Variants in ATF6 observed in about 807,000 individuals in gnomAD.
ATF6 encodes activating transcription factor 6, also known as cyclic AMP-dependent transcription factor ATF-6 alpha.
A neutral mutation model predicts 83.6 loss-of-function variants in ATF6; 53 were observed. That is an observed-to-expected ratio of 0.63 (90% CI 0.51 to 0.80). The LOEUF (loss-of-function observed/expected upper bound fraction) is 0.80. ATF6 is among the 30% of genes least tolerant of loss of function. ATF6 has a pLI of 0.00. For missense variants in ATF6, 744 were observed against 797.9 expected, an observed-to-expected ratio of 0.93 and a Z score of 0.81; for synonymous variants, 288 against 285.8, an observed-to-expected ratio of 1.01 and a Z score of -0.08.
At chr1:161,795,846 G>A (rs912967649) in intron 6 of ATF6, among the ~76,000 whole-genome samples, 5 of 152,192 alleles carry the variant, frequency 3.3e-5, no homozygotes, top group African/African-American at 1.2e-4. Context: ...CACCATGAGA[G>A]TTTTTTGTTC....
intron 14 of ATF6, among the ~76,000 whole-genome samples, chr1:161,887,889 A>G (rs1412976807): frequency 1.3e-5 from 2 of 152,088 alleles, no homozygotes; most frequent in Non-Finnish European, 2.9e-5. Flanking sequence ...ACAAGACTAT[A>G]CTCTACACAG....
chr1:161,917,879 G>T (rs1688132553), intron 15 of ATF6, among the ~76,000 whole-genome samples: 1 of 152,122 alleles, frequency 6.6e-6, no homozygotes, highest in Non-Finnish European at 1.5e-5. Context: ...TTGGATTAGG[G>T]ATACTCAACT....
At chr1:161,903,357 A>G (rs1487911378) in intron 14 of ATF6, among the ~76,000 whole-genome samples, 1 of 152,194 alleles carries the variant, frequency 6.6e-6, no homozygotes, top group Non-Finnish European at 1.5e-5. Context: ...CACAAGTGAG[A>G]TCATGATGGA....
rs142977006 is a variant in ATF6, at chr1:161,822,719, A to G, written c.1187+1558A>G. Among the ~76,000 whole-genome samples, 131 of 152,304 alleles carry G rather than the reference A, an allele frequency of 8.6e-4. 4 individuals are homozygous for G. The East Asian group carries it at 0.017, about 19-fold the overall frequency. Reference sequence around the variant, plus strand: ...ATGTTAGGTGCCATGAAGGAAAGGTACATGATATCATGAGGCCACATAATA... The same window carrying G: ...ATGTTAGGTGCCATGAAGGAAAGGTGCATGATATCATGAGGCCACATAATA... On this transcript the variant is annotated intron_variant, in intron 9 of 15. Transcript: ENST00000367942.
At chr1:161,788,367 A>G (rs917227180) in intron 4 of ATF6, among the ~76,000 whole-genome samples, 2 of 151,512 alleles carry the variant, frequency 1.3e-5, no homozygotes, top group South Asian at 4.2e-4. Flanking sequence ...TCTTTTATAC[A>G]TTGTTTATTC....
At chr1:161,946,699 T>G (rs762963985) in intron 15 of ATF6, among the ~76,000 whole-genome samples, 1 of 152,320 alleles carries the variant, frequency 6.6e-6, no homozygotes, top group African/African-American at 2.4e-5. Flanking sequence ...GAATGTGATA[T>G]TTACTCAATT....
rs759769528 is a variant in ATF6 at position 161,773,140 on chromosome 1, AT to A, written c.83-5091del. On this transcript the variant is annotated intron_variant, in intron 1 of 15. Transcript: ENST00000367942. ...GCCACCATGCCCGGCTACTTTTTGTATTTTTTTTTTTTTGAGACGGAGTCTC... is the reference window on the plus strand; with the variant it reads ...GCCACCATGCCCGGCTACTTTTTGTATTTTTTTTTTTTGAGACGGAGTCTC... 2.1e-3 allele frequency among the ~76,000 whole-genome samples: 277 copies of A among 129,910 alleles called. 1 individual carries two copies. Among genetic ancestry groups the A allele is most frequent in the Non-Finnish European group, 2.4e-3 (149 of 61,654 alleles). The allele number at this position is 129,910 out of a possible 152,430, so 85.2% of individuals were successfully genotyped here.
At chr1:161,908,853 A>G (rs1347072520) in intron 14 of ATF6, among the ~76,000 whole-genome samples, 4 of 152,162 alleles carry the variant, frequency 2.6e-5, no homozygotes, top group African/African-American at 9.7e-5. Context: ...AAATTCATCA[A>G]ATTTTACCTC....
intron 3 of ATF6, among the ~76,000 whole-genome samples, chr1:161,782,607 A>G (rs1024947271): frequency 6.6e-6 from 1 of 152,132 alleles, no homozygotes; most frequent in Non-Finnish European, 1.5e-5. Flanking sequence ...AATTTATATC[A>G]CCGATTATAG....
At chr1:161,946,075 A>G (rs1688741688) in intron 15 of ATF6, among the ~76,000 whole-genome samples, 1 of 152,146 alleles carries the variant, frequency 6.6e-6, no homozygotes, top group African/African-American at 2.4e-5. Context: ...GCTAGATCTC[A>G]GCTTTCTGCA....
chr1:161,846,261 A>G (rs34257317), intron 9 of ATF6, among the ~76,000 whole-genome samples, 188 bp from the exon 10 acceptor site: 3,030 of 152,298 alleles, frequency 0.02, 53 homozygotes, highest in Non-Finnish European at 0.031. Flanking sequence ...TGTTTTTGAT[A>G]TGTGCAGGTT....
chr1:161,907,787 G>A (rs566881159), intron 14 of ATF6, among the ~76,000 whole-genome samples: 2 of 152,060 alleles, frequency 1.3e-5, no homozygotes, highest in African/African-American at 2.4e-5. Context: ...TGTATGCAGG[G>A]CCAATTTCTT....
rs1685706714 is a variant in ATF6, at chr1:161,819,808, T to C, written c.1085T>C (p.Val362Ala). ...ACACTGAAGCGGCAGCTGGATGAAG[T>C]TGTGTCAGAGGTAAGTGTTAGTAAT... ...NGTLKRQLDE[V>A]VSENQRLKVP... Residue 362 changes from valine (V) to alanine (A), a missense_variant, in exon 8 of 16, where the codon GTT (valine) becomes GCT (alanine). Val to Ala is a moderately conservative substitution (Grantham distance 64, BLOSUM62 0). Transcript: ENST00000367942. 1 of 1,608,608 alleles carries C rather than the reference T, an allele frequency of 6.2e-7. No individual in the cohort carries two copies. Among genetic ancestry groups the C allele is most frequent in the Non-Finnish European group, 8.5e-7 (1 of 1,177,672 alleles).
chr1:161,816,017 C>CAGA (rs1394773958), intron 7 of ATF6, among the ~76,000 whole-genome samples: 1 of 152,218 alleles, frequency 6.6e-6, no homozygotes, highest in African/African-American at 2.4e-5. Flanking sequence ...ATTCAACCTT[C>CAGA]AAAGGAACTT....
intron 14 of ATF6, among the ~76,000 whole-genome samples, chr1:161,906,124 C>T (rs187409356): frequency 5.3e-5 from 8 of 152,234 alleles, no homozygotes; most frequent in Admixed American, 3.3e-4. Context: ...TGAGCCACTG[C>T]GCCTGGCCAA....
chr1:161,933,847 C>A (rs1457771255), intron 15 of ATF6, among the ~76,000 whole-genome samples: 1 of 152,206 alleles, frequency 6.6e-6, no homozygotes, highest in Non-Finnish European at 1.5e-5. Context: ...GATGCTCATG[C>A]ATGCCTCAGG....
chr1:161,830,201 G>A (rs1686017702), intron 9 of ATF6, among the ~76,000 whole-genome samples: 1 of 152,190 alleles, frequency 6.6e-6, no homozygotes, highest in South Asian at 2.1e-4. Context: ...ATTCACAATT[G>A]CTTCAAAGAG....
chr1:161,826,872 G>A (rs2101793449), intron 9 of ATF6, among the ~76,000 whole-genome samples: 1 of 151,322 alleles, frequency 6.6e-6, no homozygotes, highest in African/African-American at 2.4e-5. Context: ...TGAATCAAAT[G>A]TTGGGAATTG....
rs761970249 is a variant in ATF6 at position 161,798,018 on chromosome 1, C to T, written c.689-4034C>T. Among the ~76,000 whole-genome samples the T allele has an allele frequency of 3.9e-5, 6 of 152,206 alleles. No individual in the cohort carries two copies. The East Asian group carries it at 7.7e-4, about 20-fold the overall frequency. ...TAGAGAACCCAGAAATAAAGCTGCACCCCTGCAACCATCTGGTCTTTAACA... is the reference window on the plus strand; with the variant it reads ...TAGAGAACCCAGAAATAAAGCTGCATCCCTGCAACCATCTGGTCTTTAACA... On this transcript the variant is annotated intron_variant, in intron 6 of 15. Coordinates refer to ENST00000367942, the MANE Select transcript of ATF6 (RefSeq NM_007348.4).
Sources: allele counts gnomAD v4.1 joint callset (sites outside exome capture counted in the v4.1 genomes callset), GRCh38; gene constraint gnomAD v4.1.1; transcripts MANE v1.5; gene names NCBI Gene and HGNC (gene_info 2026-07-23, HGNC 2026-07-21).